The following ZNF704 variants were observed in gnomAD, a reference collection of about 807,000 sequenced individuals.
ZNF704 encodes the protein zinc finger protein 704, also known as glucocorticoid induced gene 1.
In ZNF704, 10 loss-of-function variants were observed where a neutral mutation model predicts 44.7. The ratio of observed to expected loss-of-function variants is 0.22; its 90% CI spans 0.14 to 0.38. The LOEUF is 0.38. Ranked by LOEUF, ZNF704 falls within the 10% of genes least tolerant of loss-of-function variation. The pLI is 1.00. For missense variants in ZNF704, 390 were observed against 545.5 expected (o/e 0.71, Z 2.84); for synonymous variants, 211 against 207.6 (o/e 1.02, Z -0.14).
At position 80,821,499 on chromosome 8, in the gene ZNF704, C is replaced by A. The variant is rs1313799101; in HGVS notation, c.96G>T (p.Val32=). 1 of 1,614,062 alleles carries A rather than the reference C, an allele frequency of 6.2e-7. No homozygotes were observed. Among genetic ancestry groups the A allele is most frequent in the South Asian group, 1.1e-5 (1 of 91,070 alleles). The change falls in exon 2 of 9, where the codon GTG becomes GTT. Residue 32 remains valine (V), a synonymous_variant. Transcript: ENST00000327835. Reference sequence around the variant, plus strand: ...TGGCTTTTTTGGTGTCTGCTGTTTTCACATCTTCCTCCATGGCCAAGGAAA... The same window carrying A: ...TGGCTTTTTTGGTGTCTGCTGTTTTAACATCTTCCTCCATGGCCAAGGAAA... ...HVFSLAMEED[V]KTADTKKASR...
At chr8:80,814,555 G>A (rs1187307222) in intron 2 of ZNF704, among the ~76,000 whole-genome samples, 1 of 152,192 alleles carries the variant, frequency 6.6e-6, no homozygotes, top group Non-Finnish European at 1.5e-5. Context: ...TGGAAAAGAT[G>A]TTCTTTATAG....
In ZNF704 at chr8:80,730,538, TAAAAAAAAAA is replaced by T. The variant is rs148942015; in HGVS notation, c.222-37441_222-37432del. 1.4e-4 allele frequency among the ~76,000 whole-genome samples: 9 copies of T among 63,962 alleles called. 1 individual carries two copies. The highest frequency in any genetic ancestry group is 2.5e-4 in the Admixed American group (1 of 3,940). The allele number at this position is 63,962 out of a possible 152,430, so 42.0% of individuals were successfully genotyped here. On this transcript the variant is annotated intron_variant, in intron 2 of 8. Transcript: ENST00000327835. ...TGGGTGACAGAGCAAGACTACATCT[TAAAAAAAAAA>T]AAAAAAAAAAAAAAAAAAAAGTTGT... is the stretch of plus-strand genomic sequence containing the variant.
rs1427608302 is a variant in ZNF704 at position 80,821,588 on chromosome 8, A to G, written c.7T>C (p.Phe3Leu). The G allele has an allele frequency of 4.3e-6, 7 of 1,613,334 alleles. No individual in the cohort carries two copies. Among genetic ancestry groups the G allele is most frequent in the Non-Finnish European group, 5.9e-6 (7 of 1,179,760 alleles). MT[F>L]TFQSEDLKRD... ...TTTAAGTCCTCTGACTGAAATGTGA[A>G]GGTCATTTCCCGCTTAATGCTCCCC... Residue 3 changes from phenylalanine (F) to leucine (L), a missense_variant, in exon 2 of 9, where the codon TTC (phenylalanine) becomes CTC (leucine). Phe to Leu is a conservative substitution (Grantham distance 22, BLOSUM62 0). Around this residue, in one of 3 missense-constraint regions of ZNF704, gnomAD observed 80 missense variants for 83.7 expected, o/e 0.96. Coordinates refer to ENST00000327835, the MANE Select transcript of ZNF704 (RefSeq NM_001033723.3).
intron 1 of ZNF704, among the ~76,000 whole-genome samples, chr8:80,831,534 A>C (rs146444543): frequency 6.6e-6 from 1 of 152,280 alleles, no homozygotes; most frequent in East Asian, 1.9e-4. Flanking sequence ...CTGAAAAATC[A>C]CTCTATGCTA....
chr8:80,872,384 G>A (rs1441473096), intron 1 of ZNF704, among the ~76,000 whole-genome samples: 3 of 152,160 alleles, frequency 2.0e-5, no homozygotes, highest in African/African-American at 4.8e-5. Flanking sequence ...TCTAATTGCC[G>A]ATGTTCAACA....
At chr8:80,713,809 A>G (rs1375015989) in intron 2 of ZNF704, among the ~76,000 whole-genome samples, 2 of 152,228 alleles carry the variant, frequency 1.3e-5, no homozygotes, top group Non-Finnish European at 2.9e-5. Context: ...TGATTTCAGC[A>G]AAGTGCTTCA....
intron 1 of ZNF704, among the ~76,000 whole-genome samples, chr8:80,829,256 A>T (rs1808429120): frequency 6.6e-6 from 1 of 152,234 alleles, no homozygotes; most frequent in South Asian, 2.1e-4. Flanking sequence ...AGTATGTTAA[A>T]CATCCATCAC....
rs1429355411 is a variant in ZNF704 at position 80,629,496 on chromosome 8, T to C, written c.*11870A>G. 4 of 152,210 alleles carry C rather than the reference T, an allele frequency of 2.6e-5. No individual in the cohort carries two copies. The East Asian group carries it at 7.7e-4, about 29-fold the overall frequency. 9.4% of individuals were successfully genotyped at this position (152,210 alleles called of 1,614,324 possible). A position where few individuals can be genotyped will look rare whatever the true frequency, so the allele number is the denominator to read the frequency against. Reference sequence around the variant, plus strand: ...AGAATGACAGAAATGGAGTTCTTTATTTCCACATTGTCAGATGAAGGAAAA... The same window carrying C: ...AGAATGACAGAAATGGAGTTCTTTACTTCCACATTGTCAGATGAAGGAAAA... On this transcript the variant is annotated 3_prime_UTR_variant, in exon 9 of 9. Transcript: ENST00000327835.
intron 4 of ZNF704, 140 bp from the exon 5 acceptor site, chr8:80,670,743 G>A (rs1425415904): frequency 4.8e-6 from 3 of 627,430 alleles, no homozygotes; most frequent in African/African-American, 1.8e-5. Context: ...GCACACTATT[G>A]TAGGCATCCC....
chr8:80,813,823 G>C (rs537318941), intron 2 of ZNF704, among the ~76,000 whole-genome samples: 2 of 152,266 alleles, frequency 1.3e-5, no homozygotes, highest in East Asian at 3.9e-4. Context: ...AGCTTGCAGT[G>C]AGCAGAGATG....
chr8:80,882,255 C>T, the ZNF704 span, among the ~76,000 whole-genome samples: 2 of 152,220 alleles, frequency 1.3e-5, no homozygotes, highest in Admixed American at 6.5e-5. Context: ...AAGTGGCTGG[C>T]GTCCTGCATG....
intron 4 of ZNF704, among the ~76,000 whole-genome samples, chr8:80,675,383 G>C (rs913692449): frequency 2.0e-5 from 3 of 152,198 alleles, no homozygotes; most frequent in African/African-American, 7.2e-5. Context: ...GGACTTTGCA[G>C]ACAAAGGTAA....
chr8:80,860,840 G>T (rs893635703), intron 1 of ZNF704, among the ~76,000 whole-genome samples: 2 of 152,198 alleles, frequency 1.3e-5, no homozygotes, highest in African/African-American at 4.8e-5. Flanking sequence ...ATACCCCAAT[G>T]ATTGAAGTCC....
intron 4 of ZNF704, chr8:80,673,212 C>CT (rs1160753501): frequency 6.6e-6 from 1 of 152,176 alleles, no homozygotes; most frequent in Non-Finnish European, 1.5e-5. Context: ...TAAAGATACA[C>CT]TTTTTCCCCC....
chr8:80,817,011 A>C (rs1446787713), intron 2 of ZNF704, among the ~76,000 whole-genome samples: 1 of 151,984 alleles, frequency 6.6e-6, no homozygotes, highest in Non-Finnish European at 1.5e-5. Flanking sequence ...TCCTCTCATG[A>C]CTCAATTAAT....
intron 2 of ZNF704, among the ~76,000 whole-genome samples, chr8:80,770,628 A>G (rs1367402052): frequency 6.6e-6 from 1 of 152,156 alleles, no homozygotes; most frequent in Non-Finnish European, 1.5e-5. Context: ...TGGTTTGAAA[A>G]TATTTTTCCC....
At chr8:80,733,766 T>C (rs1369453825) in intron 2 of ZNF704, among the ~76,000 whole-genome samples, 1 of 152,230 alleles carries the variant, frequency 6.6e-6, no homozygotes, top group African/African-American at 2.4e-5. Context: ...ACCTCTCTAT[T>C]TCTTACTCAT....
At chr8:80,856,983 T>C (rs1371563814) in intron 1 of ZNF704, among the ~76,000 whole-genome samples, 4 of 152,274 alleles carry the variant, frequency 2.6e-5, no homozygotes, top group Non-Finnish European at 2.9e-5. Flanking sequence ...TAAATGAACA[T>C]AGTATATCAA....
chr8:80,743,215 A>AT (rs1806791702), intron 2 of ZNF704, among the ~76,000 whole-genome samples: 1 of 150,738 alleles, frequency 6.6e-6, no homozygotes, highest in Non-Finnish European at 1.5e-5. Context: ...AAAAAAAAAA[A>AT]ATCTCCTATT....
Sources: allele counts gnomAD v4.1 joint callset (sites outside exome capture counted in the v4.1 genomes callset), GRCh38; gene constraint gnomAD v4.1.1; regional missense constraint gnomAD v4.1.1; transcripts MANE v1.5; gene names NCBI Gene and HGNC (gene_info 2026-07-23, HGNC 2026-07-21).